GLRB: variants seen among roughly 807,000 people sequenced by gnomAD.
GLRB encodes glycine receptor beta, also known as glycine receptor subunit beta.
A neutral mutation model predicts 54.2 loss-of-function variants in GLRB; 33 were observed. That is an observed-to-expected ratio of 0.61 (90% confidence interval 0.46 to 0.81). GLRB has a LOEUF of 0.81. Among genes scored for constraint, GLRB ranks in the 40% least tolerant of loss-of-function variants. GLRB has a pLI of 0.00. For synonymous variants in GLRB, 209 were observed against 208.2 expected (o/e 1.00, Z -0.03); for missense variants, 572 against 584.6 (o/e 0.98, Z 0.22).
At chr4:157,125,096 C>T (rs115843112) in intron 4 of GLRB, among the ~76,000 whole-genome samples, 2,982 of 151,910 alleles carry the variant, frequency 0.02, 78 homozygotes, top group African/African-American at 0.066. Flanking sequence ...GACAACACTT[C>T]ATTTCTTCAT....
At position 157,093,921 on chromosome 4, in the gene GLRB, A is replaced by G. The variant is rs548591160; in HGVS notation, c.122+15775A>G. 3.9e-5 allele frequency among the ~76,000 whole-genome samples: 6 copies of G among 152,190 alleles called. No homozygotes were observed. In the South Asian group the frequency reaches 1.2e-3, roughly 32 times the overall value. Reference sequence around the variant, plus strand: ...CTTTCTCATATAGAATATTACATAGAGACTTAGTTTTAACTGATCAAAGAT... The same window carrying G: ...CTTTCTCATATAGAATATTACATAGGGACTTAGTTTTAACTGATCAAAGAT... On this transcript the variant is annotated intron_variant, in intron 2 of 9. Transcript: ENST00000264428.
At chr4:157,150,719 A>G (rs2126598134) in intron 8 of GLRB, among the ~76,000 whole-genome samples, 1 of 151,860 alleles carries the variant, frequency 6.6e-6, no homozygotes, top group African/African-American at 2.4e-5. Context: ...CCCCTTCCCC[A>G]TCTTTTTTAC....
intron 2 of GLRB, among the ~76,000 whole-genome samples, chr4:157,085,733 G>A (rs965591372): frequency 4.6e-5 from 7 of 151,818 alleles, no homozygotes; most frequent in Admixed American, 2.0e-4. Flanking sequence ...TCCTGACCTC[G>A]TGATCCACCC....
At chr4:157,087,504 G>A (rs1734455079) in intron 2 of GLRB, among the ~76,000 whole-genome samples, 1 of 152,028 alleles carries the variant, frequency 6.6e-6, no homozygotes, top group Non-Finnish European at 1.5e-5. Context: ...GATTGCTTTG[G>A]TAACTTTATA....
At chr4:157,114,101 A>G (rs1263551132) in intron 2 of GLRB, among the ~76,000 whole-genome samples, 1 of 151,958 alleles carries the variant, frequency 6.6e-6, no homozygotes, top group African/African-American at 2.4e-5. Context: ...TATTTATCTG[A>G]TTATCTAAAA....
intron 2 of GLRB, among the ~76,000 whole-genome samples, chr4:157,082,508 TTA>T (rs1734259883): frequency 6.6e-6 from 1 of 152,186 alleles, no homozygotes. Context: ...TGACTATCTC[TTA>T]TTAAGTCATT....
intron 2 of GLRB, among the ~76,000 whole-genome samples, chr4:157,081,097 T>C (rs1343825083): frequency 6.6e-6 from 1 of 152,182 alleles, no homozygotes; most frequent in African/African-American, 2.4e-5. Flanking sequence ...AGTACCAGAT[T>C]GACAAAGTAT....
At chr4:157,112,345 T>C (rs554106606) in intron 2 of GLRB, among the ~76,000 whole-genome samples, 54 of 151,986 alleles carry the variant, frequency 3.6e-4, no homozygotes, top group African/African-American at 1.3e-3. Flanking sequence ...AGATCATGTA[T>C]GTTTGATTCT....
Position 157,143,963 on chromosome 4 carries a change from A to C in GLRB, c.904+4A>C, listed in dbSNP as rs76714257. ...AGTGCTGCCAGAGTGCCCCTGGGTA[A>C]GGTGTTCCATGCTTTTTTGTCACAT... On this transcript the variant is annotated splice_donor_region_variant and intron_variant, in intron 8 of 9. Coordinates refer to ENST00000264428, the MANE Select transcript of GLRB (RefSeq NM_000824.5). 1 of 1,613,594 alleles carries C rather than the reference A, an allele frequency of 6.2e-7. No homozygotes were observed. The highest frequency in any genetic ancestry group is 8.5e-7 in the Non-Finnish European group (1 of 1,179,702).
At chr4:157,112,524 A>G (rs937836415) in intron 2 of GLRB, among the ~76,000 whole-genome samples, 2 of 152,004 alleles carry the variant, frequency 1.3e-5, no homozygotes, top group Non-Finnish European at 2.9e-5. Flanking sequence ...TTGTAGGTTG[A>G]ATTCTCTTAG....
At chr4:157,153,061 G>A in intron 9 of GLRB, 51 bp downstream of exon 9, 2 of 1,442,816 alleles carry the variant, frequency 1.4e-6, no homozygotes. Flanking sequence ...ACTTCATAGT[G>A]TCAAGAGAGA....
At chr4:157,080,241 G>T (rs1394563199) in intron 2 of GLRB, among the ~76,000 whole-genome samples, 1 of 152,144 alleles carries the variant, frequency 6.6e-6, no homozygotes, top group African/African-American at 2.4e-5. Flanking sequence ...TCAAGTGGAA[G>T]ACCCAACATA....
At chr4:157,090,985 A>C (rs72685562) in intron 2 of GLRB, among the ~76,000 whole-genome samples, 25,745 of 151,962 alleles carry the variant, frequency 0.17, 2,294 homozygotes, top group East Asian at 0.28. Flanking sequence ...TTTGAAAAAT[A>C]TTTTCCTAAA....
chr4:157,118,462 A>G (rs1290597970), intron 2 of GLRB, among the ~76,000 whole-genome samples: 1 of 151,628 alleles, frequency 6.6e-6, no homozygotes, highest in Non-Finnish European at 1.5e-5. Flanking sequence ...CCTGCAATTA[A>G]TTGGAAAATC....
At chr4:157,083,971 A>C (rs190891037) in intron 2 of GLRB, among the ~76,000 whole-genome samples, 1 of 152,178 alleles carries the variant, frequency 6.6e-6, no homozygotes, top group Non-Finnish European at 1.5e-5. Context: ...ATAATGATCT[A>C]ATAAATGCCT....
intron 9 of GLRB, among the ~76,000 whole-genome samples, chr4:157,155,658 T>C (rs1034560008): frequency 1.3e-5 from 2 of 152,204 alleles, no homozygotes; most frequent in Admixed American, 6.5e-5. Context: ...ATTGTTCTAA[T>C]TGCTTTTCCT....
intron 2 of GLRB, 139 bp from the exon 3 acceptor site, chr4:157,120,413 AAAAT>A (rs1278271696): frequency 1.6e-5 from 4 of 246,276 alleles, no homozygotes; most frequent in South Asian, 1.0e-4. Flanking sequence ...ATAATAAAAT[AAAAT>A]AAATAAAAAA....
At chr4:157,158,056 T>G (rs6854363) in intron 9 of GLRB, among the ~76,000 whole-genome samples, 64,319 of 152,050 alleles carry the variant, frequency 0.42, 16,095 homozygotes, top group African/African-American at 0.7. Context: ...GTATCTCATT[T>G]TGGTTTTGAT....
chr4:157,086,748 A>C (rs2126437933), intron 2 of GLRB, among the ~76,000 whole-genome samples: 1 of 152,292 alleles, frequency 6.6e-6, no homozygotes, highest in Middle Eastern at 3.4e-3. Context: ...GGGTTTCCTT[A>C]GGAGCTTCTT....
Sources: allele counts gnomAD v4.1 joint callset (sites outside exome capture counted in the v4.1 genomes callset), GRCh38; gene constraint gnomAD v4.1.1; transcripts MANE v1.5; gene names NCBI Gene and HGNC (gene_info 2026-07-23, HGNC 2026-07-21).